GPSM1: variants seen among roughly 807,000 people sequenced by gnomAD.
GPSM1 encodes G protein-signaling modulator 1.
Under a neutral mutation model 70.5 loss-of-function variants are expected in GPSM1, and 48 were observed. That is an observed-to-expected ratio of 0.68 (90% confidence interval 0.54 to 0.87). The LOEUF is 0.87. GPSM1 is among the 40% of genes least tolerant of loss of function. The pLI, the probability that GPSM1 is intolerant of heterozygous loss-of-function variation, is 0.00. For synonymous variants in GPSM1, 416 were observed against 430.1 expected, an observed-to-expected ratio of 0.97 and a Z score of 0.41; for missense variants, 981 against 972.6, an observed-to-expected ratio of 1.01 and a Z score of -0.11.
At chr9:136,337,211 C>G (rs575736458) in intron 4 of GPSM1, 139 bp downstream of exon 4, 2 of 1,048,850 alleles carry the variant, frequency 1.9e-6, no homozygotes, top group East Asian at 2.6e-5. Flanking sequence ...CGCCCACCCC[C>G]GCTTTCTCAG....
chr9:136,355,627 C>T, intron 11 of GPSM1, 63 bp from the exon 12 acceptor site: 1 of 1,511,146 alleles, frequency 6.6e-7, no homozygotes. Context: ...GCAAGCAGCC[C>T]CCGGTCTCGT....
Position 136,339,795 on chromosome 9 carries a change from C to T in GPSM1, c.1063C>T (p.His355Tyr). ...GCAGGCCCTGACCTTCGCCAAGAAG[C>T]ACCTGCAGATCTCCCAGGAGGTGAG... is the stretch of plus-strand genomic sequence containing the variant. Reference protein sequence around the residue: ...PAQALTFAKKHLQISQEIGDR... With the variant: ...PAQALTFAKKYLQISQEIGDR... Residue 355 changes from histidine to tyrosine, a missense_variant, in exon 8 of 14, where the codon CAC (histidine) becomes TAC (tyrosine). Physicochemically the swap from His to Tyr is moderately conservative, Grantham distance 83. Transcript: ENST00000440944. The T allele has an allele frequency of 1.3e-6, 2 of 1,547,232 alleles. No homozygotes were observed. Among genetic ancestry groups the T allele is most frequent in the Non-Finnish European group, 1.7e-6 (2 of 1,144,118 alleles).
chr9:136,348,297 C>T (rs943866863), intron 9 of GPSM1, among the ~76,000 whole-genome samples: 1 of 152,176 alleles, frequency 6.6e-6, no homozygotes. Flanking sequence ...GCATGATGCA[C>T]CCTCAGGAGG....
intron 11 of GPSM1, among the ~76,000 whole-genome samples, chr9:136,351,193 T>C (rs1269274804): frequency 2.0e-5 from 3 of 152,060 alleles, no homozygotes; most frequent in African/African-American, 4.8e-5. Context: ...GGGCACAGCC[T>C]ACCTTCCCCT....
At chr9:136,332,293 C>T (rs1274347430) in intron 1 of GPSM1, 4 of 397,646 alleles carry the variant, frequency 1.0e-5, no homozygotes, top group Non-Finnish European at 1.8e-5. Flanking sequence ...GGCTGCATTG[C>T]CTGGATCCCA....
intron 10 of GPSM1, 53 bp from the exon 11 acceptor site, chr9:136,349,534 G>A (rs1832604888): frequency 3.4e-6 from 5 of 1,478,306 alleles, no homozygotes; most frequent in Non-Finnish European, 2.8e-6. Context: ...GTCCTGGGAT[G>A]GGGACATTGG....
At chr9:136,330,272 A>G (rs782122538) in intron 1 of GPSM1, among the ~76,000 whole-genome samples, 10 of 152,000 alleles carry the variant, frequency 6.6e-5, no homozygotes, top group Non-Finnish European at 1.5e-4. Flanking sequence ...ATGCCCTCCA[A>G]GCAGCAGTCA....
In GPSM1 at chr9:136,347,431, T is replaced by C. The variant is rs188587655; in HGVS notation, c.1208-1266T>C. ...CTGGGTAAGGGTGGGCATAGGGGGG[T>C]GGGAGCTGTGGGTGAGCAGGGAGGA... On this transcript the variant is annotated intron_variant, in intron 9 of 13. Coordinates refer to ENST00000440944, the MANE Select transcript of GPSM1 (RefSeq NM_001145638.3). Among the ~76,000 whole-genome samples, 403 of 149,394 alleles carry C rather than the reference T, an allele frequency of 2.7e-3. 2 individuals are homozygous for C. The highest frequency in any genetic ancestry group is 9.2e-3 in the African/African-American group (376 of 40,848).
chr9:136,343,813 C>T lies in GPSM1; in HGVS notation c.1207+2820C>T, dbSNP rs1227031713. On this transcript the variant is annotated intron_variant, in intron 9 of 13. Coordinates refer to ENST00000440944, the MANE Select transcript of GPSM1 (RefSeq NM_001145638.3). This position sits in a 1 kb window ranked among gnomAD's most constrained non-coding sequence, Gnocchi z 6.0. ...GTGGACGAGGCAGGTGTGGCTGCAG[C>T]ACCATCCGCCTGTTCCAGCAGCCCA... Among the ~76,000 whole-genome samples, 1 of 152,220 alleles carries T rather than the reference C, an allele frequency of 6.6e-6. No individual in the cohort carries two copies. Among genetic ancestry groups the T allele is most frequent in the Non-Finnish European group, 1.5e-5 (1 of 68,026 alleles).
intron 11 of GPSM1, among the ~76,000 whole-genome samples, chr9:136,352,142 G>A (rs28679497): frequency 0.68 from 51,089 of 75,448 alleles, 17,927 homozygotes; most frequent in East Asian, 0.93. Flanking sequence ...TGACACCAAT[G>A]CTGCGCCGTT....
In GPSM1 at chr9:136,327,770, CG is replaced by C; in HGVS notation, c.68+10del. The stretch of plus-strand genomic sequence containing the variant: ...CCAGGCGCCTCTACTCCAGGTAGGA[CG>C]GGCCGGGGCCGGGGCCGGGGCCGGG... On this transcript the variant is annotated splice_region_variant and intron_variant, in intron 1 of 13. Coordinates refer to ENST00000440944, the MANE Select transcript of GPSM1 (RefSeq NM_001145638.3). 1 of 1,095,746 alleles carries C rather than the reference CG, an allele frequency of 9.1e-7. No homozygotes were observed. Among genetic ancestry groups the C allele is most frequent in the Non-Finnish European group, 1.1e-6 (1 of 877,678 alleles). 67.9% of individuals were successfully genotyped at this position (1,095,746 alleles called of 1,614,324 possible).
At chr9:136,348,479 A>C (rs1832578378) in intron 9 of GPSM1, among the ~76,000 whole-genome samples, 1 of 152,200 alleles carries the variant, frequency 6.6e-6, no homozygotes, top group Non-Finnish European at 1.5e-5. Context: ...GGCCCCAGCC[A>C]GGACGCGCTC....
chr9:136,358,184 C>T lies in GPSM1; in HGVS notation c.1992C>T (p.Pro664=), dbSNP rs782578833. 2.5e-5 allele frequency: 39 copies of T among 1,567,220 alleles called. No homozygotes were observed. In the Middle Eastern group the frequency reaches 5.2e-4, roughly 21 times the overall value. ...GGPEQGAGGP[P]EPQQQCQPGA... Reference sequence around the variant, plus strand: ...CGGAGCAGGGGGCAGGCGGCCCGCCCGAGCCCCAGCAGCAGTGCCAGCCTG... The same window carrying T: ...CGGAGCAGGGGGCAGGCGGCCCGCCTGAGCCCCAGCAGCAGTGCCAGCCTG... The change falls in exon 14 of 14, where the codon CCC becomes CCT. Residue 664 remains proline, a synonymous_variant. Transcript: ENST00000440944.
In GPSM1 at chr9:136,352,064, T is replaced by C. The variant is rs67230509; in HGVS notation, c.1455+2301T>C. 7.6e-3 allele frequency among the ~76,000 whole-genome samples: 333 copies of C among 43,546 alleles called. 12 individuals are homozygous for C. The highest frequency in any genetic ancestry group is 0.022 in the African/African-American group (251 of 11,260). The allele number at this position is 43,546 out of a possible 152,430, so 28.6% of individuals were successfully genotyped here. A position where few individuals can be genotyped will look rare whatever the true frequency, so the allele number is the denominator to read the frequency against. On this transcript the variant is annotated intron_variant, in intron 11 of 13. Transcript: ENST00000440944. ...TGCAGCTGATACCAATACTGCGCCGTTGCTGTTGGTGACACCAATACTGCG... is the reference window on the plus strand; with the variant it reads ...TGCAGCTGATACCAATACTGCGCCGCTGCTGTTGGTGACACCAATACTGCG...
chr9:136,339,461 G>A (rs1449784744), intron 7 of GPSM1, among the ~76,000 whole-genome samples: 3 of 152,192 alleles, frequency 2.0e-5, no homozygotes, highest in African/African-American at 4.8e-5. Flanking sequence ...TGGACTCTGC[G>A]CTAATCCTTT....
chr9:136,354,821 G>A, intron 11 of GPSM1: 2 of 994,776 alleles, frequency 2.0e-6, no homozygotes, highest in South Asian at 8.7e-5. Flanking sequence ...TGTAGGGCAT[G>A]GACACAGGGA....
At chr9:136,344,255 A>G (rs4072259) in intron 9 of GPSM1, among the ~76,000 whole-genome samples, 62,091 of 145,976 alleles carry the variant, frequency 0.43, 13,140 homozygotes, top group African/African-American at 0.44. Flanking sequence ...AGACAGGAGC[A>G]GGGGAGGCGC....
In GPSM1 at chr9:136,358,548, C is replaced by A; in HGVS notation, c.*328C>A. The A allele has an allele frequency of 2.1e-6, 1 of 470,174 alleles. No individual in the cohort carries two copies. Among genetic ancestry groups the A allele is most frequent in the Non-Finnish European group, 3.8e-6 (1 of 266,086 alleles). The allele number at this position is 470,174 out of a possible 1,614,324, so 29.1% of individuals were successfully genotyped here. The stretch of plus-strand genomic sequence containing the variant: ...GCCCTTCCCGTTCTGCCCTGCCCTG[C>A]CAAATGTGAAACCCTGCTGTCTCCC... On this transcript the variant is annotated 3_prime_UTR_variant, in exon 14 of 14. Coordinates refer to ENST00000440944, the MANE Select transcript of GPSM1 (RefSeq NM_001145638.3).
chr9:136,341,041 C>T lies in GPSM1; in HGVS notation c.1207+48C>T, dbSNP rs782160700. 3.1e-5 allele frequency: 48 copies of T among 1,559,748 alleles called. No homozygotes were observed. The highest frequency in any genetic ancestry group is 3.9e-5 in the Non-Finnish European group (45 of 1,152,370). ...GGTCTTGCTCCCCACAGGCACGGAC[C>T]GCATCAGGAGCTGCGGAGGGGTGGG... On this transcript the variant is annotated intron_variant, in intron 9 of 13. Transcript: ENST00000440944. This position sits in a 1 kb window ranked among gnomAD's most constrained non-coding sequence, Gnocchi z 6.7.
Sources: allele counts gnomAD v4.1 joint callset (sites outside exome capture counted in the v4.1 genomes callset), GRCh38; gene constraint gnomAD v4.1.1; non-coding constraint Gnocchi (gnomAD v3.1); transcripts MANE v1.5; gene names NCBI Gene and HGNC (gene_info 2026-07-23, HGNC 2026-07-21).